The following ADAMTSL1 variants were observed in gnomAD, a reference collection of about 807,000 sequenced individuals.
ADAMTSL1 encodes ADAMTS like 1, also known as ADAMTS-like protein 1.
In ADAMTSL1, 126 loss-of-function variants were observed where a neutral mutation model predicts 201.8. The observed-to-expected ratio is 0.62, with a 90% confidence interval of 0.54 to 0.72. The LOEUF is 0.72. Among genes scored for constraint, ADAMTSL1 ranks in the 30% least tolerant of loss-of-function variants. The pLI, the probability that ADAMTSL1 is intolerant of heterozygous loss-of-function variation, is 0.00. For synonymous variants in ADAMTSL1, 1,121 were observed against 903.4 expected (o/e 1.24, Z -4.32); for missense variants, 2,679 against 2,277.8 (o/e 1.18, Z -3.59).
chr9:18,054,617 C>T (rs567673675), intron 1 of ADAMTSL1, among the ~76,000 whole-genome samples: 30 of 152,256 alleles, frequency 2.0e-4, no homozygotes, highest in Non-Finnish European at 3.8e-4. Context: ...GGGCTAGTGA[C>T]GGTGTTATAA....
chr9:18,849,122 G>A (rs141852444), intron 23 of ADAMTSL1, among the ~76,000 whole-genome samples: 371 of 152,252 alleles, frequency 2.4e-3, no homozygotes, highest in Non-Finnish European at 4.0e-3. Flanking sequence ...TATTTCTTAC[G>A]TCTGTCATGT....
At chr9:18,559,866 G>A (rs1478117520) in intron 3 of ADAMTSL1, among the ~76,000 whole-genome samples, 1 of 152,186 alleles carries the variant, frequency 6.6e-6, no homozygotes, top group Non-Finnish European at 1.5e-5. Flanking sequence ...TTTGTATCCT[G>A]AGACTTTGCT....
intron 14 of ADAMTSL1, among the ~76,000 whole-genome samples, chr9:18,712,167 T>A (rs1397106989): frequency 3.4e-5 from 5 of 148,160 alleles, no homozygotes; most frequent in Admixed American, 6.8e-5. Flanking sequence ...ACAGAAAAAC[T>A]GGAAACTCTA....
rs772522653 is a variant in ADAMTSL1 at position 18,223,963 on chromosome 9, T to C, written c.207+59982T>C. Among the ~76,000 whole-genome samples the C allele has an allele frequency of 2.8e-4, 42 of 152,300 alleles. 1 individual carries two copies. The highest frequency in any genetic ancestry group is 3.4e-3 in the Middle Eastern group (1 of 294). On this transcript the variant is annotated intron_variant, in intron 2 of 29. Transcript: ENST00000680146. ...AATCTAGGACTCTTTTATATTAATT[T>C]TTAAAAAGCCACAGATGTTAGGAAT...
chr9:18,554,658 G>A (rs904620780), intron 3 of ADAMTSL1, among the ~76,000 whole-genome samples: 6 of 112,836 alleles, frequency 5.3e-5, no homozygotes, highest in Admixed American at 5.0e-4. Context: ...TTCTTTATGT[G>A]GATCTGAGTG....
At chr9:18,335,038 A>T (rs573654785) in intron 2 of ADAMTSL1, among the ~76,000 whole-genome samples, 1 of 152,144 alleles carries the variant, frequency 6.6e-6, no homozygotes, top group Non-Finnish European at 1.5e-5. Flanking sequence ...GATAATTTAG[A>T]TCCCTTAATA....
intron 19 of ADAMTSL1, among the ~76,000 whole-genome samples, chr9:18,790,170 C>G (rs1014816624): frequency 5.3e-5 from 8 of 152,134 alleles, no homozygotes; most frequent in Non-Finnish European, 1.0e-4. Flanking sequence ...AAGAATGAGT[C>G]TATATACTCT....
chr9:17,985,085 C>T (rs1322295447), intron 1 of ADAMTSL1, among the ~76,000 whole-genome samples: 1 of 152,226 alleles, frequency 6.6e-6, no homozygotes, highest in Non-Finnish European at 1.5e-5. Flanking sequence ...GTTAGTTCTT[C>T]CAAGTACCGT....
At chr9:17,954,395 C>A (rs1158754423) in intron 1 of ADAMTSL1, among the ~76,000 whole-genome samples, 1 of 152,152 alleles carries the variant, frequency 6.6e-6, no homozygotes, top group Non-Finnish European at 1.5e-5. Flanking sequence ...GAATTTTCAG[C>A]CATCGTTAAT....
At chr9:18,608,371 C>A (rs1269293049) in intron 4 of ADAMTSL1, among the ~76,000 whole-genome samples, 3 of 152,120 alleles carry the variant, frequency 2.0e-5, no homozygotes. Context: ...TGAATTCTGT[C>A]AGATTTGGAA....
At chr9:18,790,331 T>C (rs1821951214) in intron 19 of ADAMTSL1, among the ~76,000 whole-genome samples, 1 of 152,062 alleles carries the variant, frequency 6.6e-6, no homozygotes, top group African/African-American at 2.4e-5. Context: ...ATTTGGGAAG[T>C]CTTCCCCTCC....
intron 2 of ADAMTSL1, among the ~76,000 whole-genome samples, chr9:18,265,227 G>A (rs1832076813): frequency 6.6e-6 from 1 of 152,028 alleles, no homozygotes; most frequent in South Asian, 2.1e-4. Context: ...TTGTACCTTG[G>A]GGTCGTTTCT....
At chr9:18,761,039 T>C (rs1820044026) in intron 16 of ADAMTSL1, among the ~76,000 whole-genome samples, 1 of 152,192 alleles carries the variant, frequency 6.6e-6, no homozygotes, top group Non-Finnish European at 1.5e-5. Flanking sequence ...ATACAGTGCC[T>C]AGCACTCAGT....
chr9:18,054,429 C>A (rs549075386), intron 1 of ADAMTSL1, among the ~76,000 whole-genome samples: 5 of 152,198 alleles, frequency 3.3e-5, no homozygotes, highest in Admixed American at 6.5e-5. Flanking sequence ...TTGAATCAGA[C>A]AGTAACAAGT....
At chr9:18,074,480 T>C (rs563763873) in intron 1 of ADAMTSL1, among the ~76,000 whole-genome samples, 4 of 59,220 alleles carry the variant, frequency 6.8e-5, no homozygotes, top group African/African-American at 2.2e-4. Flanking sequence ...TGTTTTCTTT[T>C]CTTTTCTTTT....
chr9:18,528,471 TC>T (rs1819235885), intron 2 of ADAMTSL1, among the ~76,000 whole-genome samples: 1 of 152,140 alleles, frequency 6.6e-6, no homozygotes, highest in Non-Finnish European at 1.5e-5. Flanking sequence ...GATTTTCTGT[TC>T]CTCCATTAGT....
At chr9:18,418,611 G>A (rs897989599) in intron 2 of ADAMTSL1, among the ~76,000 whole-genome samples, 8 of 152,124 alleles carry the variant, frequency 5.3e-5, no homozygotes, top group Non-Finnish European at 1.5e-5. Flanking sequence ...GGGATAAAAT[G>A]GGGAAAATGA....
chr9:18,627,052 C>T (rs1308747892), intron 5 of ADAMTSL1, among the ~76,000 whole-genome samples: 1 of 151,842 alleles, frequency 6.6e-6, no homozygotes, highest in Non-Finnish European at 1.5e-5. Flanking sequence ...CACAGCTCAG[C>T]TCATTGCAGC....
chr9:18,650,405 G>T (rs1432346749), intron 7 of ADAMTSL1, among the ~76,000 whole-genome samples: 1 of 151,990 alleles, frequency 6.6e-6, no homozygotes, highest in Non-Finnish European at 1.5e-5. Flanking sequence ...CCACTGACCT[G>T]CACCCACTGT....
Sources: gnomAD v4.1 joint callset for allele counts (sites outside exome capture counted in the v4.1 genomes callset) on GRCh38, gnomAD v4.1.1 for gene constraint, MANE v1.5 for transcripts, NCBI Gene and HGNC (gene_info 2026-07-23, HGNC 2026-07-21) for gene names.